Variants in EYS observed in about 807,000 individuals in gnomAD.
EYS encodes the protein protein eyes shut homolog.
In EYS, 250 loss-of-function variants were observed where a neutral mutation model predicts 282.1. The observed-to-expected ratio is 0.89, with a 90% confidence interval of 0.80 to 0.98. The LOEUF is 0.98. EYS is among the 50% of genes least tolerant of loss of function. The probability of loss-of-function intolerance (pLI) is 0.00; values close to 1 mark genes in which losing one functional copy is unlikely to be tolerated. For synonymous variants in EYS, 1,355 were observed against 1,282.9 expected (o/e 1.06, Z -1.20); for missense variants, 4,016 against 3,709.0 (o/e 1.08, Z -2.15).
chr6:65,423,452 A>G (rs1047608657), intron 5 of EYS, among the ~76,000 whole-genome samples: 9 of 151,940 alleles, frequency 5.9e-5, no homozygotes, highest in Admixed American at 1.3e-4. Context: ...ATGTTAGCCA[A>G]TGTCAGAATC....
chr6:64,033,273 C>T lies in EYS; in HGVS notation c.6725+33065G>A, dbSNP rs552524370. 2.5e-4 allele frequency among the ~76,000 whole-genome samples: 38 copies of T among 152,312 alleles called. 1 individual carries two copies. In the South Asian group the frequency reaches 7.9e-3, roughly 32 times the overall value. ...CACTTCTCATATAATTTTTCACCTACTCATCGTAAGTCTACTTCCGTTAGA... is the reference window on the plus strand; with the variant it reads ...CACTTCTCATATAATTTTTCACCTATTCATCGTAAGTCTACTTCCGTTAGA... On this transcript the variant is annotated intron_variant, in intron 33 of 42. Transcript: ENST00000503581.
At chr6:64,833,277 A>G (rs9453083) in intron 19 of EYS, among the ~76,000 whole-genome samples, 25,292 of 151,854 alleles carry the variant, frequency 0.17, 2,134 homozygotes, top group Middle Eastern at 0.2. Flanking sequence ...GATTTTGTGA[A>G]AACATTCGGT....
intron 22 of EYS, among the ~76,000 whole-genome samples, chr6:64,747,791 T>C (rs1262910512): frequency 5.3e-5 from 8 of 152,252 alleles, no homozygotes; most frequent in African/African-American, 1.9e-4. Flanking sequence ...TCTGGTTCTT[T>C]ATACTTGTGC....
chr6:65,158,998 T>A (rs767884463), intron 12 of EYS, among the ~76,000 whole-genome samples: 3 of 150,788 alleles, frequency 2.0e-5, no homozygotes, highest in Non-Finnish European at 4.5e-5. Flanking sequence ...ATATTGCTAT[T>A]TTTTTGTTTG....
At chr6:65,486,315 T>C (rs920173768) in intron 5 of EYS, among the ~76,000 whole-genome samples, 3 of 152,228 alleles carry the variant, frequency 2.0e-5, no homozygotes, top group African/African-American at 7.2e-5. Flanking sequence ...TTGCTTCTTT[T>C]CATCAACATT....
At chr6:65,134,269 C>CT (rs1242439739) in intron 12 of EYS, among the ~76,000 whole-genome samples, 1 of 151,954 alleles carries the variant, frequency 6.6e-6, no homozygotes, top group Non-Finnish European at 1.5e-5. Flanking sequence ...GAACATAAAT[C>CT]ATACTACCAT....
intron 29 of EYS, among the ~76,000 whole-genome samples, chr6:64,312,796 T>A (rs566106568): frequency 6.6e-6 from 1 of 151,390 alleles, no homozygotes; most frequent in South Asian, 2.1e-4. Flanking sequence ...GGGAACTGAC[T>A]GTTAGAAAGA....
At chr6:65,512,079 T>C (rs1038884732) in intron 2 of EYS, among the ~76,000 whole-genome samples, 2 of 151,344 alleles carry the variant, frequency 1.3e-5, no homozygotes, top group African/African-American at 4.9e-5. Flanking sequence ...AGTGGCTAAC[T>C]CTAATAAGTT....
intron 12 of EYS, among the ~76,000 whole-genome samples, chr6:65,200,642 T>A (rs1582010462): frequency 6.6e-6 from 1 of 151,642 alleles, no homozygotes; most frequent in African/African-American, 2.4e-5. Flanking sequence ...AATGTGTATA[T>A]ACCATGACCC....
rs1768021779 is a variant in EYS, at chr6:65,435,017, T to C, written c.863-29650A>G. 2.0e-5 allele frequency among the ~76,000 whole-genome samples: 3 copies of C among 152,018 alleles called. No homozygotes were observed. The South Asian group carries it at 6.2e-4, about 32-fold the overall frequency. ...TTTGCATTATTACTGGGTTAGTATA[T>C]TAAATAATTAATAGATGAGTAAATT... On this transcript the variant is annotated intron_variant, in intron 5 of 42. Transcript: ENST00000503581.
intron 35 of EYS, among the ~76,000 whole-genome samples, chr6:63,950,274 G>A (rs1765538205): frequency 6.6e-6 from 1 of 151,576 alleles, no homozygotes; most frequent in South Asian, 2.1e-4. Flanking sequence ...CAGATGGCTT[G>A]AAGTATCTGA....
chr6:64,514,116 A>G (rs16895413), intron 26 of EYS, among the ~76,000 whole-genome samples: 7,820 of 151,768 alleles, frequency 0.052, 675 homozygotes, highest in African/African-American at 0.18. Context: ...TAGTGTGTCT[A>G]ATGAGAATGG....
intron 9 of EYS, among the ~76,000 whole-genome samples, chr6:65,352,672 C>G (rs1228251204): frequency 3.3e-5 from 5 of 151,888 alleles, no homozygotes; most frequent in Admixed American, 2.6e-4. Flanking sequence ...AGCATTATGA[C>G]TCACCTTATT....
chr6:64,444,436 C>T (rs1018310206), intron 26 of EYS, among the ~76,000 whole-genome samples: 3 of 152,042 alleles, frequency 2.0e-5, no homozygotes. Context: ...AAGAAATATA[C>T]TGCCTGACAA....
chr6:65,306,546 T>G (rs1438916627), intron 11 of EYS, among the ~76,000 whole-genome samples: 1 of 152,170 alleles, frequency 6.6e-6, no homozygotes, highest in Non-Finnish European at 1.5e-5. Flanking sequence ...TTCTTTTGCT[T>G]TTTTAAAAAA....
intron 1 of EYS, among the ~76,000 whole-genome samples, chr6:65,691,169 A>G (rs942166071): frequency 1.3e-5 from 2 of 150,168 alleles, no homozygotes; most frequent in Non-Finnish European, 3.0e-5. Flanking sequence ...TGCCTTCCAC[A>G]ATGGTTGAAC....
At chr6:63,735,284 G>A (rs1768880239) in intron 41 of EYS, among the ~76,000 whole-genome samples, 1 of 152,018 alleles carries the variant, frequency 6.6e-6, no homozygotes, top group Admixed American at 6.6e-5. Flanking sequence ...AGTGTTGAGG[G>A]TGCTTATAAG....
chr6:65,105,789 G>T (rs1231693108), intron 12 of EYS, among the ~76,000 whole-genome samples: 1 of 151,932 alleles, frequency 6.6e-6, no homozygotes, highest in Non-Finnish European at 1.5e-5. Flanking sequence ...TCTTTGAGGA[G>T]ACAACATGAA....
chr6:65,541,224 A>G (rs910205088), intron 2 of EYS, among the ~76,000 whole-genome samples: 2 of 152,142 alleles, frequency 1.3e-5, no homozygotes, highest in Admixed American at 6.6e-5. Context: ...TGTTCCTTTA[A>G]TCTAATATAC....
Sources: allele counts gnomAD v4.1 joint callset (sites outside exome capture counted in the v4.1 genomes callset), GRCh38; gene constraint gnomAD v4.1.1; transcripts MANE v1.5; gene names NCBI Gene and HGNC (gene_info 2026-07-23, HGNC 2026-07-21).